The following CNN2 variants were observed in gnomAD, a reference collection of about 807,000 sequenced individuals.
CNN2 encodes calponin 2, also known as calponin-2.
CNN2 carries 21 observed loss-of-function variants against 31.0 expected under a neutral mutation model. The observed-to-expected ratio is 0.68, with a 90% CI of 0.48 to 0.98. The LOEUF is 0.98. Ranked by LOEUF, CNN2 falls within the 50% of genes least tolerant of loss-of-function variation. CNN2 has a pLI of 0.00. For missense variants in CNN2, 399 were observed against 427.3 expected (o/e 0.93, Z 0.58); for synonymous variants, 165 against 179.6 (o/e 0.92, Z 0.65).
intron 4 of CNN2, among the ~76,000 whole-genome samples, chr19:1,033,761 G>C (rs777759965): frequency 1.6e-5 from 1 of 61,636 alleles, no homozygotes; most frequent in Non-Finnish European, 3.3e-5. Context: ...TGGGTGGGAC[G>C]GTGTCTGGTG....
intron 1 of CNN2, among the ~76,000 whole-genome samples, chr19:1,028,551 C>G (rs2039436053): frequency 6.6e-6 from 1 of 152,216 alleles, no homozygotes; most frequent in Admixed American, 6.5e-5. Flanking sequence ...GGAGGCAGCT[C>G]GGATCCACAG....
At chr19:1,026,932 T>C (rs2039406317) in intron 1 of CNN2, 1 of 533,494 alleles carries the variant, frequency 1.9e-6, no homozygotes, top group African/African-American at 2.0e-5. Context: ...CACCCAGGTC[T>C]GAGATCTGGG....
intron 1 of CNN2, 200 bp from the exon 2 acceptor site, chr19:1,030,871 T>G (rs942520991): frequency 2.1e-5 from 12 of 585,024 alleles, no homozygotes; most frequent in African/African-American, 1.7e-4. Context: ...GCGGTTTATC[T>G]GTGCCCGCCT....
At chr19:1,037,576 T>G in intron 6 of CNN2, 49 bp from the exon 7 acceptor site, 1 of 1,587,820 alleles carries the variant, frequency 6.3e-7, no homozygotes, top group Admixed American at 1.7e-5. Context: ...CCAGTGAAGG[T>G]CCCCTCTTCT....
In CNN2 at chr19:1,026,699, G is replaced by C. The variant is rs1440408859; in HGVS notation, c.38G>C (p.Gly13Ala). The change falls in exon 1 of 7, where the codon GGG becomes GCG. Residue 13 changes from glycine (G) to alanine (A), a missense_variant. Gly to Ala is a moderately conservative substitution (Grantham distance 60, BLOSUM62 0). Transcript: ENST00000263097. ...STQFNKGPSYGLSAEVKNRLL... is the reference protein window; with the variant it reads ...STQFNKGPSYALSAEVKNRLL... ...CAGTTCAACAAGGGCCCCTCGTACG[G>C]GCTGTCGGCCGAGGTCAAGAACCGG... 2 of 1,550,522 alleles carry C rather than the reference G, an allele frequency of 1.3e-6. No individual in the cohort carries two copies. Among genetic ancestry groups the C allele is most frequent in the Non-Finnish European group, 1.7e-6 (2 of 1,147,552 alleles).
At position 1,032,661 on chromosome 19, in the gene CNN2, C is replaced by T; in HGVS notation, c.355C>T (p.Gln119Ter). The T allele has an allele frequency of 6.2e-7, 1 of 1,612,200 alleles. No homozygotes were observed. Among genetic ancestry groups the T allele is most frequent in the African/African-American group, 1.3e-5 (1 of 75,026 alleles). ...NDLFESGNMT[Q>*]VQVSLLALAG... ...CCTGTTTGAGAGTGGGAACATGACG[C>T]AGGTGCAGGTGTCTCTTCTCGCCCT... is the stretch of plus-strand genomic sequence containing the variant. The change falls in exon 4 of 7, where the codon CAG becomes TAG. Residue 119 changes from glutamine (Q) to a stop codon, truncating the protein, a stop_gained. Transcript: ENST00000263097. LOFTEE classifies it high-confidence loss of function.
rs1489189787 is a variant in CNN2, at chr19:1,038,281, A to G, written c.*381A>G. Reference sequence around the variant, plus strand: ...GCAGTTTGTGGTTTCTATGCCCGCAAGTTTCAGGAAGTATTCACAAAAGAA... The same window carrying G: ...GCAGTTTGTGGTTTCTATGCCCGCAGGTTTCAGGAAGTATTCACAAAAGAA... On this transcript the variant is annotated 3_prime_UTR_variant, in exon 7 of 7. Transcript: ENST00000263097. 1 of 200,652 alleles carries G rather than the reference A, an allele frequency of 5.0e-6. No individual in the cohort carries two copies. The highest frequency in any genetic ancestry group is 9.9e-6 in the Non-Finnish European group (1 of 101,058). 12.4% of individuals were successfully genotyped at this position (200,652 alleles called of 1,614,324 possible). A position where few individuals can be genotyped will look rare whatever the true frequency, so the allele number is the denominator to read the frequency against.
rs1299816297 is a variant in CNN2 at position 1,038,803 on chromosome 19, C to T, written c.*903C>T. 2.0e-5 allele frequency: 3 copies of T among 152,324 alleles called. No individual in the cohort carries two copies. Among genetic ancestry groups the T allele is most frequent in the Non-Finnish European group, 4.4e-5 (3 of 68,136 alleles). 9.4% of individuals were successfully genotyped at this position (152,324 alleles called of 1,614,324 possible). A position where few individuals can be genotyped will look rare whatever the true frequency, so the allele number is the denominator to read the frequency against. ...GCCAGGCTGGTCTCGAACTCCTGGC[C>T]TCAGGTGTGATCCGCCCGCCTCCGC... On this transcript the variant is annotated 3_prime_UTR_variant, in exon 7 of 7. Coordinates refer to ENST00000263097, the MANE Select transcript of CNN2 (RefSeq NM_004368.4).
rs111334584 is a variant in CNN2, at chr19:1,029,364, T to C, written c.64-1707T>C. 3.0e-3 allele frequency among the ~76,000 whole-genome samples: 183 copies of C among 61,860 alleles called. 7 individuals are homozygous for C. Among genetic ancestry groups the C allele is most frequent in the Middle Eastern group, 8.3e-3 (1 of 120 alleles). The allele number at this position is 61,860 out of a possible 152,430, so 40.6% of individuals were successfully genotyped here. On this transcript the variant is annotated intron_variant, in intron 1 of 6. Transcript: ENST00000263097. The stretch of plus-strand genomic sequence containing the variant: ...CTACCCAAATCATCCCAGGCAGGTC[T>C]AGCTCAGGGGACCCTAACCCAAATC...
Position 1,037,648 on chromosome 19 carries a change from C to CCGGCGGCACAT in CNN2, c.680_690dup (p.Tyr231GlyfsTer113), listed in dbSNP as rs1371910784. The CCGGCGGCACAT allele has an allele frequency of 6.5e-7, 1 of 1,541,690 alleles. No homozygotes were observed. The highest frequency in any genetic ancestry group is 1.8e-5 in the African/African-American group (1 of 55,444). ...AGGTGGGCATGACGGCTCCCGGGAC[C>CCGGCGGCACAT]CGGCGGCACATCTATGATACCAAGC... is the stretch of plus-strand genomic sequence containing the variant. On this transcript the variant is annotated frameshift_variant, in exon 7 of 7. Transcript: ENST00000263097. LOFTEE classifies it low-confidence loss of function (END_TRUNC).
chr19:1,032,903 C>G, intron 4 of CNN2: 2 of 491,850 alleles, frequency 4.1e-6, no homozygotes, highest in Non-Finnish European at 7.4e-6. Flanking sequence ...CTCAGTCTCC[C>G]GAGTAGCTGG....
rs2039629657 is a variant in CNN2 at position 1,038,075 on chromosome 19, C to T, written c.*175C>T. On this transcript the variant is annotated 3_prime_UTR_variant, in exon 7 of 7. Transcript: ENST00000263097. ...AGCTTTTTTCCCCTTTGCCTTGATC[C>T]TTCGCAAGGCTGAGCCACTGGGCTG... 1 of 670,452 alleles carries T rather than the reference C, an allele frequency of 1.5e-6. No homozygotes were observed. Among genetic ancestry groups the T allele is most frequent in the Non-Finnish European group, 2.4e-6 (1 of 411,282 alleles). The allele number at this position is 670,452 out of a possible 1,614,324, so 41.5% of individuals were successfully genotyped here.
Position 1,037,586 on chromosome 19 carries a change from T to C in CNN2, c.655-39T>C, listed in dbSNP as rs778460651. ...TGCACCCAGTGAAGGTCCCCTCTTC[T>C]CTCCACCATGACCTGCTCCACCCCT... On this transcript the variant is annotated intron_variant, in intron 6 of 6. Transcript: ENST00000263097. 23 of 1,594,706 alleles carry C rather than the reference T, an allele frequency of 1.4e-5. No individual in the cohort carries two copies. In the East Asian group the frequency reaches 4.5e-4, roughly 31 times the overall value.
In CNN2 at chr19:1,037,978, T is replaced by TC; in HGVS notation, c.*78_*79insC. The TC allele has an allele frequency of 7.1e-7, 1 of 1,407,044 alleles. No individual in the cohort carries two copies. The highest frequency in any genetic ancestry group is 9.4e-7 in the Non-Finnish European group (1 of 1,060,468). 87.2% of individuals were successfully genotyped at this position (1,407,044 alleles called of 1,614,324 possible). ...TTTTCTGTGTTTTCATCTTTTTTTT[T>TC]TTTTTCTTAACCCGTTCAGTGCTGC... is the stretch of plus-strand genomic sequence containing the variant. On this transcript the variant is annotated 3_prime_UTR_variant, in exon 7 of 7. Transcript: ENST00000263097.
intron 1 of CNN2, chr19:1,026,952 A>C: frequency 2.1e-6 from 1 of 486,746 alleles, no homozygotes. Flanking sequence ...GGGACGAGTG[A>C]CCCATTCCCC....
At chr19:1,032,085 G>A (rs1045257155) in intron 2 of CNN2, among the ~76,000 whole-genome samples, 3 of 152,050 alleles carry the variant, frequency 2.0e-5, no homozygotes, top group Admixed American at 1.3e-4. Context: ...AAAATTAGCC[G>A]GGTGTGGTGG....
At chr19:1,027,434 G>A (rs985413011) in intron 1 of CNN2, among the ~76,000 whole-genome samples, 3 of 152,272 alleles carry the variant, frequency 2.0e-5, no homozygotes, top group Admixed American at 6.5e-5. Flanking sequence ...CAGCACTTTG[G>A]GGGGCGGAGC....
At chr19:1,028,482 A>G (rs1268260957) in intron 1 of CNN2, among the ~76,000 whole-genome samples, 3 of 151,984 alleles carry the variant, frequency 2.0e-5, no homozygotes, top group Admixed American at 1.3e-4. Context: ...TGAAACAGCC[A>G]GAGACCCGCC....
In CNN2 at chr19:1,037,611, T is replaced by C; in HGVS notation, c.655-14T>C. 6.4e-7 allele frequency: 1 copy of C among 1,566,536 alleles called. No individual in the cohort carries two copies. Among genetic ancestry groups the C allele is most frequent in the Non-Finnish European group, 8.7e-7 (1 of 1,156,024 alleles). ...TCTCCACCATGACCTGCTCCACCCC[T>C]CCTTCCTCTCCAGGTGGGCATGACG... On this transcript the variant is annotated splice_polypyrimidine_tract_variant and intron_variant, in intron 6 of 6. Coordinates refer to ENST00000263097, the MANE Select transcript of CNN2 (RefSeq NM_004368.4).
Sources: allele counts gnomAD v4.1 joint callset (sites outside exome capture counted in the v4.1 genomes callset), GRCh38; gene constraint gnomAD v4.1.1; transcripts MANE v1.5; gene names NCBI Gene and HGNC (gene_info 2026-07-23, HGNC 2026-07-21).